Variants in CREBRF observed in about 807,000 individuals in gnomAD.
CREBRF encodes UPF0474 protein C5orf41.
In CREBRF, 5 loss-of-function variants were observed where a neutral mutation model predicts 66.1. The ratio of observed to expected loss-of-function variants is 0.08; its 90% CI spans 0.04 to 0.16. The LOEUF is 0.16. Among genes scored for constraint, CREBRF ranks in the 10% least tolerant of loss-of-function variants. The pLI is 1.00. For synonymous variants in CREBRF, 229 were observed against 264.4 expected (o/e 0.87, Z 1.30); for missense variants, 531 against 744.9 (o/e 0.71, Z 3.34).
intron 8 of CREBRF, among the ~76,000 whole-genome samples, chr5:173,131,743 T>G (rs1459192283): frequency 6.6e-6 from 1 of 151,956 alleles, no homozygotes; most frequent in Non-Finnish European, 1.5e-5. Flanking sequence ...TTTTTTTGTT[T>G]GTTTTTGGAG....
intron 7 of CREBRF, among the ~76,000 whole-genome samples, chr5:173,119,825 A>AT (rs1245458446): frequency 6.6e-6 from 1 of 151,942 alleles, no homozygotes; most frequent in African/African-American, 2.4e-5. Flanking sequence ...GGTGTTGATG[A>AT]TTTTTTTGCA....
chr5:173,065,924 C>T (rs1403663449), intron 1 of CREBRF, among the ~76,000 whole-genome samples: 1 of 152,102 alleles, frequency 6.6e-6, no homozygotes, highest in African/African-American at 2.4e-5. Context: ...GCGTGACCAA[C>T]CGCACCTGGC....
At chr5:173,082,290 G>A (rs1291833349) in intron 2 of CREBRF, among the ~76,000 whole-genome samples, 1 of 136,790 alleles carries the variant, frequency 7.3e-6, no homozygotes, top group Non-Finnish European at 1.7e-5. Flanking sequence ...TGGGATTACA[G>A]GCGTGAGCCA....
chr5:173,057,653 C>G (rs1757114520), intron 1 of CREBRF: 1 of 152,250 alleles, frequency 6.6e-6, no homozygotes, highest in Admixed American at 6.5e-5. Flanking sequence ...CGTTTCTGAG[C>G]TGGCTTGAGC....
At chr5:173,098,759 A>G (rs1758540532) in intron 4 of CREBRF, among the ~76,000 whole-genome samples, 2 of 152,042 alleles carry the variant, frequency 1.3e-5, no homozygotes, top group South Asian at 4.1e-4. Flanking sequence ...TCATTTACTT[A>G]GGTGCTTTGA....
rs549711474 is a variant in CREBRF, at chr5:173,090,190, C to G, written c.136-125C>G. ...GACATTATATGAAATGATAAAGCGT[C>G]CTGTCAGTAGCCTTTATGTTAAAAC... On this transcript the variant is annotated intron_variant, in intron 3 of 8. Coordinates refer to ENST00000296953, the MANE Select transcript of CREBRF (RefSeq NM_153607.3). The surrounding 1 kb of genome is among the most constrained non-coding windows in gnomAD (Gnocchi z 4.5). 8 of 612,668 alleles carry G rather than the reference C, an allele frequency of 1.3e-5. No individual in the cohort carries two copies. In the South Asian group the frequency reaches 2.7e-4, roughly 20 times the overall value. The allele number at this position is 612,668 out of a possible 1,614,324, so 38.0% of individuals were successfully genotyped here. A position where few individuals can be genotyped will look rare whatever the true frequency, so the allele number is the denominator to read the frequency against.
In CREBRF at chr5:173,091,867, C is replaced by T. The variant is rs963302885; in HGVS notation, c.1222+466C>T. ...TGGGAGGCCGAGGTGGGCGGATCAC[C>T]TGAGGTCAGGAGTTAAAGACCAGCC... On this transcript the variant is annotated intron_variant, in intron 4 of 8. Transcript: ENST00000296953. The T allele has an allele frequency of 8.8e-6, 7 of 791,016 alleles. No individual in the cohort carries two copies. In the African/African-American group the frequency reaches 1.3e-4, roughly 15 times the overall value. The allele number at this position is 791,016 out of a possible 1,614,324, so 49.0% of individuals were successfully genotyped here. A position where few individuals can be genotyped will look rare whatever the true frequency, so the allele number is the denominator to read the frequency against.
intron 8 of CREBRF, among the ~76,000 whole-genome samples, chr5:173,128,873 C>T (rs989097856): frequency 6.6e-6 from 1 of 151,330 alleles, no homozygotes; most frequent in East Asian, 1.9e-4. Context: ...CTCCGCCTCC[C>T]GGGCTCACAC....
chr5:173,088,988 C>T (rs889374448), intron 3 of CREBRF, among the ~76,000 whole-genome samples: 2 of 151,744 alleles, frequency 1.3e-5, no homozygotes, highest in Admixed American at 6.6e-5. Flanking sequence ...ACCAGCCTGA[C>T]CAAGATGGTG....
chr5:173,057,207 C>T (rs1203668143), intron 1 of CREBRF: 2 of 151,932 alleles, frequency 1.3e-5, no homozygotes, highest in South Asian at 2.1e-4. Flanking sequence ...CGGATGGAGA[C>T]TTCTGCACCA....
chr5:173,108,596 C>T lies in CREBRF; in HGVS notation c.1223-28C>T, dbSNP rs769174659. 14 of 1,584,198 alleles carry T rather than the reference C, an allele frequency of 8.8e-6. No homozygotes were observed. In the African/African-American group the frequency reaches 1.4e-4, roughly 15 times the overall value. ...GATTGATTTATTGAAATTTATGGAG[C>T]TTAAAAATTGCGGGACCTTTTTTTA... On this transcript the variant is annotated intron_variant, in intron 4 of 8. Transcript: ENST00000296953.
intron 7 of CREBRF, 122 bp from the exon 8 acceptor site, chr5:173,122,958 A>G (rs1360152081): frequency 7.3e-6 from 6 of 822,736 alleles, no homozygotes; most frequent in Non-Finnish European, 1.1e-5. Context: ...ATAGTATTCC[A>G]TGGTGTATAT....
chr5:173,064,766 G>A (rs753016987), intron 1 of CREBRF, among the ~76,000 whole-genome samples: 25 of 152,176 alleles, frequency 1.6e-4, no homozygotes, highest in Middle Eastern at 3.4e-3. Flanking sequence ...GTTTCTCCAT[G>A]TTGGTCAGGC....
chr5:173,116,397 C>T (rs1038885762), intron 7 of CREBRF, among the ~76,000 whole-genome samples: 1 of 152,318 alleles, frequency 6.6e-6, no homozygotes. Flanking sequence ...CTCTCCACTC[C>T]TATCCCTGGA....
Position 173,090,363 on chromosome 5 carries a change from T to C in CREBRF, c.184T>C (p.Leu62=), listed in dbSNP as rs2113735802. The C allele has an allele frequency of 1.9e-6, 3 of 1,609,362 alleles. No individual in the cohort carries two copies. Among genetic ancestry groups the C allele is most frequent in the Middle Eastern group, 1.7e-4 (1 of 6,050 alleles). Residue 62 remains leucine, a synonymous_variant, in exon 4 of 9, where the codon TTG becomes CTG. Transcript: ENST00000296953. This position sits in a 1 kb window ranked among gnomAD's most constrained non-coding sequence, Gnocchi z 4.5. ...QQNPRDNFLS[L]EDCKDIENLE... ...GAATCCTAGAGACAACTTTCTTTCT[T>C]TGGAGGACTGCAAAGACATTGAAAA...
chr5:173,119,877 A>G (rs1759097721), intron 7 of CREBRF, among the ~76,000 whole-genome samples: 1 of 152,142 alleles, frequency 6.6e-6, no homozygotes, highest in South Asian at 2.1e-4. Flanking sequence ...TATTCTGTTA[A>G]TACATCACAT....
At chr5:173,116,197 C>T (rs1432099849) in intron 7 of CREBRF, among the ~76,000 whole-genome samples, 1 of 152,204 alleles carries the variant, frequency 6.6e-6, no homozygotes, top group Non-Finnish European at 1.5e-5. Context: ...TGTAGGAATC[C>T]TGTGTGCTGA....
At chr5:173,068,165 CT>C (rs1233433252) in intron 1 of CREBRF, 1 of 452,336 alleles carries the variant, frequency 2.2e-6, no homozygotes, top group South Asian at 1.6e-5. Context: ...AAATTTTATT[CT>C]TTTGTCTGAT....
intron 1 of CREBRF, among the ~76,000 whole-genome samples, chr5:173,071,217 G>A (rs1205605844): frequency 6.6e-6 from 1 of 151,776 alleles, no homozygotes; most frequent in Non-Finnish European, 1.5e-5. Context: ...GAGTATTTTT[G>A]TTTGTTTGTT....
Sources: gnomAD v4.1 joint callset for allele counts (sites outside exome capture counted in the v4.1 genomes callset) on GRCh38, gnomAD v4.1.1 for gene constraint, Gnocchi (gnomAD v3.1) non-coding constraint, MANE v1.5 for transcripts, NCBI Gene and HGNC (gene_info 2026-07-23, HGNC 2026-07-21) for gene names.